Variants in ABCC9 observed in about 807,000 individuals in gnomAD.
ABCC9 encodes the protein ATP binding cassette subfamily C member 9, also known as ATP-binding cassette sub-family C member 9.
Under a neutral mutation model 188.3 loss-of-function variants are expected in ABCC9, and 95 were observed. The ratio of observed to expected loss-of-function variants is 0.50; its 90% CI spans 0.43 to 0.60. ABCC9 has a LOEUF of 0.60. ABCC9 is among the 20% of genes least tolerant of loss of function. The pLI is 0.00. For synonymous variants in ABCC9, 659 were observed against 652.7 expected, an observed-to-expected ratio of 1.01 and a Z score of -0.15; for missense variants, 1,102 against 1,876.3, an observed-to-expected ratio of 0.59 and a Z score of 7.62.
chr12:21,838,552 A>G (rs1944222220), intron 29 of ABCC9, among the ~76,000 whole-genome samples: 1 of 152,158 alleles, frequency 6.6e-6, no homozygotes, highest in Non-Finnish European at 1.5e-5. Context: ...CAAAATAGAC[A>G]AGAAGAAAAA....
chr12:21,934,028 T>G, intron 3 of ABCC9, 105 bp from the exon 4 acceptor site: 1 of 1,157,506 alleles, frequency 8.6e-7, no homozygotes, highest in Non-Finnish European at 1.3e-6. Context: ...GGTGGGGGGG[T>G]CCTGAAACCT....
chr12:21,915,217 A>ATG (rs755651460), intron 7 of ABCC9, among the ~76,000 whole-genome samples: 5 of 119,222 alleles, frequency 4.2e-5, no homozygotes, highest in Non-Finnish European at 8.3e-5. Flanking sequence ...TTGTGTCTTT[A>ATG]TATATATATG....
chr12:21,890,729 G>C (rs1051431512), intron 14 of ABCC9, among the ~76,000 whole-genome samples: 1 of 149,568 alleles, frequency 6.7e-6, no homozygotes, highest in African/African-American at 2.5e-5. Flanking sequence ...GACAAAAAAC[G>C]AAACACCGCA....
intron 12 of ABCC9, among the ~76,000 whole-genome samples, chr12:21,897,329 G>GGATA (rs1947477311): frequency 6.6e-6 from 1 of 152,084 alleles, no homozygotes; most frequent in African/African-American, 2.4e-5. Flanking sequence ...ATTTTCAGAT[G>GGATA]GATAGATCGC....
At chr12:21,859,467 T>A (rs894225610) in intron 22 of ABCC9, 119 bp downstream of exon 22, 1 of 978,026 alleles carries the variant, frequency 1.0e-6, no homozygotes, top group Admixed American at 1.7e-5. Context: ...CCCTATATAC[T>A]TTACGATTTC....
At chr12:21,885,061 G>C (rs562304280) in intron 15 of ABCC9, among the ~76,000 whole-genome samples, 1 of 152,270 alleles carries the variant, frequency 6.6e-6, no homozygotes, top group African/African-American at 2.4e-5. Context: ...GAGTAAATGT[G>C]TTGACAGAGA....
intron 25 of ABCC9, among the ~76,000 whole-genome samples, chr12:21,847,489 G>C (rs997417603): frequency 2.6e-5 from 4 of 151,858 alleles, no homozygotes; most frequent in African/African-American, 9.7e-5. Context: ...AGAAATGCAG[G>C]CATAAGCAAA....
rs776704642 is a variant in ABCC9, at chr12:21,894,197, T to C, written c.1660-23A>G. On this transcript the variant is annotated intron_variant, in intron 13 of 39. Transcript: ENST00000261200. The stretch of plus-strand genomic sequence containing the variant: ...TGTCTGTGCAAAGAAAGGAGTTCTT[T>C]AGAGAAAGCTGGAAAAAGTGTCACA... 3.7e-6 allele frequency: 6 copies of C among 1,613,868 alleles called. No homozygotes were observed. The East Asian group carries it at 8.9e-5, about 24-fold the overall frequency.
At position 21,921,501 on chromosome 12, in the gene ABCC9, A is replaced by G. The variant is rs1592240372; in HGVS notation, c.407-4398T>C. ...CTTGTCAGACAGGCAGTTTGCAAAT[A>G]TTTTCTCCCATTCTGTAGATTGTGT... is the stretch of plus-strand genomic sequence containing the variant. On this transcript the variant is annotated intron_variant, in intron 5 of 39. Transcript: ENST00000261200. 1.3e-5 allele frequency among the ~76,000 whole-genome samples: 2 copies of G among 151,948 alleles called. 1 individual carries two copies. The highest frequency in any genetic ancestry group is 2.9e-5 in the Non-Finnish European group (2 of 67,932).
intron 2 of ABCC9, among the ~76,000 whole-genome samples, 161 bp downstream of exon 2, chr12:21,940,549 T>G (rs1284415707): frequency 6.6e-6 from 1 of 152,208 alleles, no homozygotes; most frequent in Non-Finnish European, 1.5e-5. Context: ...GACTTCTGAC[T>G]TAGTGCCTGA....
chr12:21,848,929 G>A (rs1164444630), intron 24 of ABCC9, among the ~76,000 whole-genome samples: 8 of 152,178 alleles, frequency 5.3e-5, no homozygotes, highest in African/African-American at 1.7e-4. Flanking sequence ...ACTTTATCCT[G>A]TAGTTAAGAA....
intron 4 of ABCC9, 26 bp downstream of exon 4, chr12:21,933,756 G>A: frequency 6.2e-7 from 1 of 1,611,904 alleles, no homozygotes; most frequent in South Asian, 1.1e-5. Flanking sequence ...ATACTGCAGT[G>A]GTATTATTTA....
chr12:21,937,518 A>T (rs945101049), intron 2 of ABCC9, among the ~76,000 whole-genome samples: 9 of 152,164 alleles, frequency 5.9e-5, no homozygotes, highest in African/African-American at 2.2e-4. Flanking sequence ...ATTCCGGGGC[A>T]GAGGAGTGAC....
At chr12:21,889,562 G>C (rs56298719) in intron 14 of ABCC9, among the ~76,000 whole-genome samples, 1,866 of 152,236 alleles carry the variant, frequency 0.012, 47 homozygotes, top group African/African-American at 0.043. Context: ...AGCAATGCCT[G>C]GCACATGTCA....
intron 31 of ABCC9, chr12:21,827,411 A>T (rs944417962): frequency 1.6e-6 from 1 of 636,416 alleles, no homozygotes; most frequent in African/African-American, 2.0e-5. Context: ...AGTTCAGGAA[A>T]ACCAGATACA....
chr12:21,881,913 T>C (rs1946636407), intron 16 of ABCC9, among the ~76,000 whole-genome samples: 1 of 152,152 alleles, frequency 6.6e-6, no homozygotes, highest in Non-Finnish European at 1.5e-5. Flanking sequence ...TGCCCAAATA[T>C]CATGCATCAA....
At chr12:21,811,216 C>T (rs1053229314) in intron 36 of ABCC9, among the ~76,000 whole-genome samples, 1 of 152,118 alleles carries the variant, frequency 6.6e-6, no homozygotes, top group Non-Finnish European at 1.5e-5. Context: ...AGAAGATGTG[C>T]CTTGCTTCCC....
intron 12 of ABCC9, among the ~76,000 whole-genome samples, chr12:21,900,175 C>A (rs189225443): frequency 6.6e-6 from 1 of 152,158 alleles, no homozygotes; most frequent in Non-Finnish European, 1.5e-5. Context: ...CTGCAGCCTC[C>A]GCTGCTGATA....
chr12:21,901,809 C>T (rs1278962671), intron 12 of ABCC9, among the ~76,000 whole-genome samples: 1 of 152,084 alleles, frequency 6.6e-6, no homozygotes, highest in Non-Finnish European at 1.5e-5. Flanking sequence ...TAAAGCAAGT[C>T]CTTAGAGACC....
Sources: allele counts gnomAD v4.1 joint callset (sites outside exome capture counted in the v4.1 genomes callset), GRCh38; gene constraint gnomAD v4.1.1; transcripts MANE v1.5; gene names NCBI Gene and HGNC (gene_info 2026-07-23, HGNC 2026-07-21).